The following PDK1 variants were observed in gnomAD, a reference collection of about 807,000 sequenced individuals.
The protein encoded by PDK1 is pyruvate dehydrogenase kinase 1.
PDK1 carries 39 observed loss-of-function variants against 54.2 expected under a neutral mutation model. The observed-to-expected ratio is 0.72, with a 90% confidence interval of 0.56 to 0.94. The LOEUF is 0.94. PDK1 is among the 40% of genes least tolerant of loss of function. The pLI is 0.00. For missense variants in PDK1, 552 were observed against 566.0 expected (o/e 0.98, Z 0.25); for synonymous variants, 221 against 207.1 (o/e 1.07, Z -0.58).
At chr2:172,556,630 G>C in intron 1 of PDK1, 1 of 316,146 alleles carries the variant, frequency 3.2e-6, no homozygotes, top group Non-Finnish European at 5.8e-6. Context: ...GTGTGCAGGT[G>C]CGCGCTAGGC....
chr2:172,563,913 AC>A, intron 3 of PDK1: 5 of 433,178 alleles, frequency 1.2e-5, no homozygotes, highest in South Asian at 8.6e-5. Context: ...AGATGGGAAG[AC>A]TAGATGATTT....
In PDK1 at chr2:172,570,740, C is replaced by T; in HGVS notation, c.861C>T (p.Ala287=). 2 of 1,599,042 alleles carry T rather than the reference C, an allele frequency of 1.3e-6. No individual in the cohort carries two copies. The highest frequency in any genetic ancestry group is 1.7e-6 in the Non-Finnish European group (2 of 1,167,690). The change falls in exon 8 of 11, where the codon GCC becomes GCT. Residue 287 remains alanine (A), a synonymous_variant. Coordinates refer to ENST00000282077, the MANE Select transcript of PDK1 (RefSeq NM_002610.5). ...ATGTATTTCAGAATGCAATGAGAGCCACTATGGAACACCATGCCAACAGAG... is the reference window on the plus strand; with the variant it reads ...ATGTATTTCAGAATGCAATGAGAGCTACTATGGAACACCATGCCAACAGAG... The part of the protein sequence containing the change: ...VFELFKNAMR[A]TMEHHANRGV...
the PDK1 span, among the ~76,000 whole-genome samples, chr2:172,668,127 A>AT: frequency 3.9e-5 from 6 of 152,182 alleles, no homozygotes; most frequent in Non-Finnish European, 8.8e-5. Flanking sequence ...TGGACTTGCA[A>AT]TGTCTCATTG....
chr2:172,556,461 C>T (rs1688330975), intron 1 of PDK1, 115 bp downstream of exon 1: 1 of 695,056 alleles, frequency 1.4e-6, no homozygotes, highest in Non-Finnish European at 2.1e-6. Context: ...CACCCCTCCT[C>T]CTCAGCGTTT....
At chr2:172,719,414 T>C in the PDK1 span, among the ~76,000 whole-genome samples, 1 of 152,228 alleles carries the variant, frequency 6.6e-6, no homozygotes, top group Non-Finnish European at 1.5e-5. Context: ...CTGTATTATT[T>C]CATATTTTCA....
chr2:172,636,907 C>T, the PDK1 span, among the ~76,000 whole-genome samples: 2 of 152,052 alleles, frequency 1.3e-5, no homozygotes, highest in Non-Finnish European at 2.9e-5. Flanking sequence ...ACCCTCCTCC[C>T]TCCAATGCAA....
chr2:172,636,193 G>A, the PDK1 span, among the ~76,000 whole-genome samples: 1 of 152,192 alleles, frequency 6.6e-6, no homozygotes, highest in Admixed American at 6.5e-5. Flanking sequence ...TGCTATAAAG[G>A]AATGCCAGAG....
At chr2:172,567,526 T>C (rs543364457) in intron 6 of PDK1, among the ~76,000 whole-genome samples, 1 of 152,308 alleles carries the variant, frequency 6.6e-6, no homozygotes, top group South Asian at 2.1e-4. Flanking sequence ...TAAGAAGGTG[T>C]GGGAAGAATA....
At position 172,603,602 on chromosome 2, in the gene PDK1, A is replaced by G. The variant is rs1691186101; in HGVS notation, c.*7633A>G. On this transcript the variant is annotated 3_prime_UTR_variant, in exon 11 of 11. Transcript: ENST00000282077. ...TGGCAGTGGGAAGCATGGACCCAAG[A>G]CCGAAAGCTCTGGCACTTTATAGCA... 1 of 152,192 alleles carries G rather than the reference A, an allele frequency of 6.6e-6. No homozygotes were observed. The highest frequency in any genetic ancestry group is 2.4e-5 in the African/African-American group (1 of 41,442). The allele number at this position is 152,192 out of a possible 1,614,324, so 9.4% of individuals were successfully genotyped here. A position where few individuals can be genotyped will look rare whatever the true frequency, so the allele number is the denominator to read the frequency against.
the PDK1 span, chr2:172,691,388 A>G: frequency 6.6e-6 from 1 of 150,642 alleles, no homozygotes; most frequent in South Asian, 2.1e-4. Context: ...ACATTGGCAC[A>G]TTACCCATCT....
Position 172,600,812 on chromosome 2 carries a change from C to G in PDK1, c.*4843C>G, listed in dbSNP as rs978623616. ...ATCAGCTCTTATCCCATTCCTTGAC[C>G]ACATAGGCTCTTAGACTCTTATTCT... is the stretch of plus-strand genomic sequence containing the variant. On this transcript the variant is annotated 3_prime_UTR_variant, in exon 11 of 11. Transcript: ENST00000282077. 5 of 152,176 alleles carry G rather than the reference C, an allele frequency of 3.3e-5. No individual in the cohort carries two copies. The highest frequency in any genetic ancestry group is 1.2e-4 in the African/African-American group (5 of 41,436). 9.4% of individuals were successfully genotyped at this position (152,176 alleles called of 1,614,324 possible).
intron 2 of PDK1, among the ~76,000 whole-genome samples, chr2:172,560,876 T>A (rs914511028): frequency 7.9e-5 from 12 of 152,224 alleles, no homozygotes; most frequent in Admixed American, 3.9e-4. Flanking sequence ...ACAAATGAGT[T>A]GCCCAGAGTT....
rs543119728 is a variant in PDK1, at chr2:172,583,238, G to C, written c.946-3040G>C. 4.7e-5 allele frequency among the ~76,000 whole-genome samples: 7 copies of C among 147,596 alleles called. No individual in the cohort carries two copies. The South Asian group carries it at 1.5e-3, about 31-fold the overall frequency. On this transcript the variant is annotated intron_variant, in intron 8 of 10. Transcript: ENST00000282077. ...TTACTAAAATAAATTACTTTACAGG[G>C]CCAAGAGCAATTTCAAGCATAATGC... is the stretch of plus-strand genomic sequence containing the variant.
the PDK1 span, among the ~76,000 whole-genome samples, chr2:172,640,983 CTTTCTTTCTTTCTTTTTCT>C: frequency 2.0e-4 from 1 of 5,024 alleles, no homozygotes; most frequent in African/African-American, 2.3e-4. Context: ...CTTTCTGTTT[CTTTCTTTCTTTCTTTTTCT>C]TTTCTTTCTT....
chr2:172,592,898 T>A, intron 9 of PDK1, 37 bp from the exon 10 acceptor site: 2 of 1,113,440 alleles, frequency 1.8e-6, no homozygotes, highest in Admixed American at 1.7e-5. Context: ...TCAGTGTGTG[T>A]CTTTCTGAAT....
chr2:172,621,676 TTA>T, the PDK1 span, among the ~76,000 whole-genome samples: 52 of 148,042 alleles, frequency 3.5e-4, no homozygotes, highest in African/African-American at 8.6e-4. Flanking sequence ...TGATATATGT[TTA>T]TGTTTATATA....
chr2:172,622,587 G>T, the PDK1 span, among the ~76,000 whole-genome samples: 1 of 139,086 alleles, frequency 7.2e-6, no homozygotes, highest in Non-Finnish European at 1.5e-5. Context: ...TATTATGTGA[G>T]ATGTTTATAT....
intron 10 of PDK1, 72 bp from the exon 11 acceptor site, chr2:172,595,757 A>G (rs1343917372): frequency 2.3e-6 from 3 of 1,288,722 alleles, no homozygotes; most frequent in African/African-American, 3.0e-5. Context: ...CCTTTTTGCC[A>G]TTGTCTATTT....
At chr2:172,615,062 C>T in the PDK1 span, among the ~76,000 whole-genome samples, 1 of 152,128 alleles carries the variant, frequency 6.6e-6, no homozygotes, top group Admixed American at 6.5e-5. Context: ...GGAGTTTGCT[C>T]CTGTGTGGGT....
Sources: allele counts gnomAD v4.1 joint callset (sites outside exome capture counted in the v4.1 genomes callset), GRCh38; gene constraint gnomAD v4.1.1; transcripts MANE v1.5; gene names NCBI Gene and HGNC (gene_info 2026-07-23, HGNC 2026-07-21).